Variants in PLXNC1 observed in about 807,000 individuals in gnomAD.
PLXNC1 encodes plexin C1, also known as plexin-C1.
Under a neutral mutation model 178.2 loss-of-function variants are expected in PLXNC1, and 75 were observed. The ratio of observed to expected loss-of-function variants is 0.42; its 90% CI spans 0.35 to 0.51. The LOEUF (loss-of-function observed/expected upper bound fraction) is 0.51, where lower values mean the gene tolerates loss of function less well. PLXNC1 is among the 20% of genes least tolerant of loss of function. PLXNC1 has a pLI of 0.02. For synonymous variants in PLXNC1, 790 were observed against 779.9 expected (o/e 1.01, Z -0.22); for missense variants, 1,503 against 1,984.4 (o/e 0.76, Z 4.61).
intron 2 of PLXNC1, chr12:94,176,292 C>T (rs1325052957): frequency 6.6e-6 from 1 of 152,196 alleles, no homozygotes; most frequent in Non-Finnish European, 1.5e-5. Flanking sequence ...TTGATATTCT[C>T]CTGAAGTTTG....
intron 4 of PLXNC1, among the ~76,000 whole-genome samples, chr12:94,200,216 C>G (rs1478264002): frequency 1.3e-5 from 2 of 152,226 alleles, no homozygotes; most frequent in Non-Finnish European, 2.9e-5. Flanking sequence ...TAAGAACATC[C>G]CTTTTAGTAA....
At chr12:94,264,585 T>C (rs1565838411) in intron 20 of PLXNC1, among the ~76,000 whole-genome samples, 1 of 152,258 alleles carries the variant, frequency 6.6e-6, no homozygotes, top group East Asian at 1.9e-4. Flanking sequence ...CGAGAAGTGC[T>C]GTTAACACCA....
intron 4 of PLXNC1, among the ~76,000 whole-genome samples, chr12:94,192,926 A>G (rs943330668): frequency 6.6e-6 from 1 of 152,138 alleles, no homozygotes; most frequent in African/African-American, 2.4e-5. Flanking sequence ...AAATGAATAG[A>G]GTGTCATAAG....
At chr12:94,300,675 C>A (rs748587196) in intron 27 of PLXNC1, among the ~76,000 whole-genome samples, 5 of 152,054 alleles carry the variant, frequency 3.3e-5, no homozygotes, top group Non-Finnish European at 7.4e-5. Flanking sequence ...AAATTCTTGC[C>A]CATGGCCACT....
At position 94,148,951 on chromosome 12, in the gene PLXNC1, G is replaced by A. The variant is rs551944500; in HGVS notation, c.-21G>A. On this transcript the variant is annotated 5_prime_UTR_variant, in exon 1 of 31. Transcript: ENST00000258526. The surrounding 1 kb of genome is among the most constrained non-coding windows in gnomAD (Gnocchi z 4.8). ...GCCGTCGCCGCCGCGCGCCCTGCCC[G>A]GGGGCGGCCCCCCCAGCCCCATGGA... 5 of 1,068,684 alleles carry A rather than the reference G, an allele frequency of 4.7e-6. No individual in the cohort carries two copies. Among genetic ancestry groups the A allele is most frequent in the East Asian group, 6.9e-5 (2 of 29,100 alleles). The allele number at this position is 1,068,684 out of a possible 1,614,324, so 66.2% of individuals were successfully genotyped here.
At chr12:94,229,913 A>T (rs966776207) in intron 9 of PLXNC1, among the ~76,000 whole-genome samples, 3 of 152,258 alleles carry the variant, frequency 2.0e-5, no homozygotes, top group Non-Finnish European at 1.5e-5. Context: ...GTAGATTCAC[A>T]TGTACTTGTG....
intron 17 of PLXNC1, among the ~76,000 whole-genome samples, chr12:94,257,732 C>A (rs1964887328): frequency 6.6e-6 from 1 of 151,970 alleles, no homozygotes; most frequent in African/African-American, 2.4e-5. Context: ...CAGTGAAACC[C>A]CGTCTCTACT....
At chr12:94,243,865 T>C (rs1964454575) in intron 11 of PLXNC1, 73 bp from the exon 12 acceptor site, 2 of 670,710 alleles carry the variant, frequency 3.0e-6, no homozygotes, top group East Asian at 5.2e-5. Context: ...AATAAATTGA[T>C]AGCTTTGTTC....
chr12:94,149,142 G>C lies in PLXNC1; in HGVS notation c.171G>C (p.Val57=). The stretch of plus-strand genomic sequence containing the variant: ...TCGCGGCGAGCCAGGAGGACGGCGT[G>C]TTTGTGGCGAGCGGCAGCTGCCTGG... The part of the protein sequence containing the change: ...GAIAASQEDG[V]FVASGSCLDQ... Residue 57 remains valine, a synonymous_variant, in exon 1 of 31, where the codon GTG becomes GTC. Transcript: ENST00000258526. The C allele has an allele frequency of 6.3e-7, 1 of 1,590,928 alleles. No individual in the cohort carries two copies. The highest frequency in any genetic ancestry group is 1.1e-5 in the South Asian group (1 of 88,822).
intron 2 of PLXNC1, among the ~76,000 whole-genome samples, chr12:94,175,936 G>A (rs1051615197): frequency 4.6e-5 from 7 of 152,198 alleles, no homozygotes; most frequent in African/African-American, 9.7e-5. Context: ...GGTGTTCAGC[G>A]GAGAAGTGAT....
intron 1 of PLXNC1, among the ~76,000 whole-genome samples, chr12:94,156,188 T>C (rs1961160329): frequency 6.6e-6 from 1 of 152,232 alleles, no homozygotes; most frequent in Non-Finnish European, 1.5e-5. Flanking sequence ...ACTTAACTCA[T>C]AGTAAATGTT....
chr12:94,186,997 G>T (rs1224185060), intron 4 of PLXNC1, among the ~76,000 whole-genome samples: 1 of 152,224 alleles, frequency 6.6e-6, no homozygotes. Context: ...CTGGAATGAC[G>T]ATGCTCACGA....
chr12:94,156,708 C>A (rs7295500), intron 1 of PLXNC1, among the ~76,000 whole-genome samples: 2 of 143,890 alleles, frequency 1.4e-5, no homozygotes, highest in East Asian at 4.0e-4. Context: ...AACTTTCTTT[C>A]TTTTTTTTTT....
Position 94,148,956 on chromosome 12 carries a change from C to T in PLXNC1, c.-16C>T, listed in dbSNP as rs1960830324. Reference sequence around the variant, plus strand: ...CGCCGCCGCGCGCCCTGCCCGGGGGCGGCCCCCCCAGCCCCATGGAGGTCT... The same window carrying T: ...CGCCGCCGCGCGCCCTGCCCGGGGGTGGCCCCCCCAGCCCCATGGAGGTCT... On this transcript the variant is annotated 5_prime_UTR_variant, in exon 1 of 31. Transcript: ENST00000258526. The surrounding 1 kb of genome is among the most constrained non-coding windows in gnomAD (Gnocchi z 4.8). The T allele has an allele frequency of 1.2e-5, 13 of 1,110,502 alleles. No individual in the cohort carries two copies. The highest frequency in any genetic ancestry group is 3.2e-5 in the South Asian group (1 of 31,264). 68.8% of individuals were successfully genotyped at this position (1,110,502 alleles called of 1,614,324 possible). A position where few individuals can be genotyped will look rare whatever the true frequency, so the allele number is the denominator to read the frequency against.
chr12:94,259,577 G>A, intron 18 of PLXNC1, 33 bp from the exon 19 acceptor site: 2 of 1,467,514 alleles, frequency 1.4e-6, no homozygotes, highest in Non-Finnish European at 1.8e-6. Flanking sequence ...ATATGATTTT[G>A]TATTATACTA....
intron 4 of PLXNC1, among the ~76,000 whole-genome samples, chr12:94,194,162 T>A (rs1051572004): frequency 2.6e-5 from 4 of 152,024 alleles, no homozygotes; most frequent in Admixed American, 2.6e-4. Context: ...TGCCACACAC[T>A]TTTAAACAAC....
intron 21 of PLXNC1, among the ~76,000 whole-genome samples, chr12:94,268,061 A>T (rs576873400): frequency 6.6e-6 from 1 of 152,300 alleles, no homozygotes; most frequent in African/African-American, 2.4e-5. Context: ...GAGCATCCTC[A>T]CGAACCACTT....
chr12:94,194,523 T>C (rs191149560), intron 4 of PLXNC1, among the ~76,000 whole-genome samples: 4 of 152,184 alleles, frequency 2.6e-5, no homozygotes, highest in African/African-American at 9.6e-5. Context: ...GGAGGCCGAG[T>C]TGGGTGAATC....
At chr12:94,289,834 A>G (rs531024241) in intron 23 of PLXNC1, among the ~76,000 whole-genome samples, 102 of 152,320 alleles carry the variant, frequency 6.7e-4, no homozygotes, top group African/African-American at 2.3e-3. Flanking sequence ...TTAGAAATGC[A>G]CTCACACATA....
Sources: gnomAD v4.1 joint callset for allele counts (sites outside exome capture counted in the v4.1 genomes callset) on GRCh38, gnomAD v4.1.1 for gene constraint, Gnocchi (gnomAD v3.1) non-coding constraint, MANE v1.5 for transcripts, NCBI Gene and HGNC (gene_info 2026-07-23, HGNC 2026-07-21) for gene names.